The following NTM variants were observed in gnomAD, a reference collection of about 807,000 sequenced individuals.
NTM encodes the protein IgLON family member 2.
In NTM, 13 loss-of-function variants were observed where a neutral mutation model predicts 42.1. That is an observed-to-expected ratio of 0.31 (90% confidence interval 0.20 to 0.49). NTM has a LOEUF of 0.49. Among genes scored for constraint, NTM ranks in the 20% least tolerant of loss-of-function variants. NTM has a pLI of 0.99. For missense variants in NTM, 373 were observed against 452.8 expected (o/e 0.82, Z 1.60); for synonymous variants, 187 against 179.2 (o/e 1.04, Z -0.35).
chr11:131,774,529 T>A (rs1284792840), intron 1 of NTM, among the ~76,000 whole-genome samples: 4 of 152,212 alleles, frequency 2.6e-5, no homozygotes, highest in African/African-American at 9.6e-5. Context: ...CAATTGAGCA[T>A]CTATTTGTCA....
rs376376334 is a variant in NTM, at chr11:131,593,422, C to T, written c.82+222534C>T. Among the ~76,000 whole-genome samples, 10 of 152,280 alleles carry T rather than the reference C, an allele frequency of 6.6e-5. No homozygotes were observed. The East Asian group carries it at 9.7e-4, about 15-fold the overall frequency. On this transcript the variant is annotated intron_variant, in intron 1 of 8. Transcript: ENST00000683400. The stretch of plus-strand genomic sequence containing the variant: ...TGCTGGCTGGGACTTCCCAACCCAT[C>T]GTGTCAGGCAGGGGACTGAGCCTCA...
intron 3 of NTM, among the ~76,000 whole-genome samples, chr11:132,194,905 C>T (rs1009396949): frequency 6.6e-6 from 1 of 150,654 alleles, no homozygotes; most frequent in Non-Finnish European, 1.5e-5. Flanking sequence ...TCACTGCAAC[C>T]TCCACCTCCC....
At chr11:132,294,844 T>C (rs1056649783) in intron 4 of NTM, among the ~76,000 whole-genome samples, 1 of 152,144 alleles carries the variant, frequency 6.6e-6, no homozygotes, top group African/African-American at 2.4e-5. Context: ...CTGATTCCAC[T>C]AAGAAAAAAT....
intron 1 of NTM, among the ~76,000 whole-genome samples, chr11:131,552,347 C>T (rs1224876003): frequency 6.6e-6 from 1 of 152,134 alleles, no homozygotes; most frequent in Non-Finnish European, 1.5e-5. Context: ...TTAAGATATG[C>T]ATGCCATATG....
intron 4 of NTM, 38 bp from the exon 5 acceptor site, chr11:132,307,651 T>A: frequency 6.2e-7 from 1 of 1,610,274 alleles, no homozygotes; most frequent in East Asian, 2.2e-5. Flanking sequence ...GTCTTTTTTT[T>A]CCTTGTATTT....
intron 3 of NTM, among the ~76,000 whole-genome samples, chr11:132,201,504 A>G (rs113738598): frequency 2.6e-5 from 4 of 152,336 alleles, no homozygotes; most frequent in South Asian, 2.1e-4. Flanking sequence ...TGGCAAGGCT[A>G]TGGCGGTTGG....
chr11:132,100,742 C>T (rs902072319), intron 2 of NTM, among the ~76,000 whole-genome samples: 8 of 152,254 alleles, frequency 5.3e-5, no homozygotes, highest in Admixed American at 1.3e-4. Flanking sequence ...TCACTACCAG[C>T]GCCCCACCCC....
intron 1 of NTM, among the ~76,000 whole-genome samples, chr11:131,880,897 T>A (rs1359137242): frequency 6.6e-6 from 1 of 152,126 alleles, no homozygotes; most frequent in Non-Finnish European, 1.5e-5. Context: ...TGCAAAGATA[T>A]AGGGCTCCTG....
intron 1 of NTM, among the ~76,000 whole-genome samples, chr11:131,789,955 CAAAAAA>C (rs36050979): frequency 7.9e-4 from 16 of 20,310 alleles, no homozygotes; most frequent in South Asian, 2.6e-3. Context: ...GACTCCGTCT[CAAAAAA>C]AAAAAAAAAA....
intron 1 of NTM, among the ~76,000 whole-genome samples, chr11:131,587,407 C>T (rs559341220): frequency 1.3e-5 from 2 of 151,446 alleles, no homozygotes; most frequent in South Asian, 2.1e-4. Flanking sequence ...GAGATCGCAC[C>T]ACTGCACTCT....
At chr11:132,283,551 A>G (rs564310560) in intron 4 of NTM, among the ~76,000 whole-genome samples, 1 of 152,158 alleles carries the variant, frequency 6.6e-6, no homozygotes, top group African/African-American at 2.4e-5. Context: ...TGTGATGCCT[A>G]TTTATGCTTG....
At chr11:131,636,741 C>T (rs896831244) in intron 1 of NTM, among the ~76,000 whole-genome samples, 1 of 152,200 alleles carries the variant, frequency 6.6e-6, no homozygotes, top group Non-Finnish European at 1.5e-5. Flanking sequence ...AAACCTTGAG[C>T]AAGTGACTGT....
At chr11:131,772,790 C>T (rs1278982854) in intron 1 of NTM, among the ~76,000 whole-genome samples, 1 of 152,084 alleles carries the variant, frequency 6.6e-6, no homozygotes, top group African/African-American at 2.4e-5. Flanking sequence ...TGTTTTGCAA[C>T]AGTATAAAGT....
In NTM at chr11:131,485,687, G is replaced by A. The variant is rs550664248; in HGVS notation, c.82+114799G>A. Among the ~76,000 whole-genome samples, 22 of 152,304 alleles carry A rather than the reference G, an allele frequency of 1.4e-4. No individual in the cohort carries two copies. The South Asian group carries it at 3.5e-3, about 24-fold the overall frequency. On this transcript the variant is annotated intron_variant, in intron 1 of 8. Coordinates refer to ENST00000683400, the MANE Select transcript of NTM (RefSeq NM_001352005.2). ...TCATCCAATATCCCCTGCAGACAGG[G>A]TATTGATACCAGGAAGGATCAGATT...
chr11:132,211,115 A>G (rs922387586), intron 3 of NTM, among the ~76,000 whole-genome samples: 1 of 151,988 alleles, frequency 6.6e-6, no homozygotes, highest in African/African-American at 2.4e-5. Flanking sequence ...TTCAACAAAG[A>G]AAGTGGCATT....
chr11:131,412,534 C>T (rs1468070021), intron 1 of NTM, among the ~76,000 whole-genome samples: 1 of 152,146 alleles, frequency 6.6e-6, no homozygotes, highest in Non-Finnish European at 1.5e-5. Context: ...AAACTGTCCT[C>T]CTCTCTCCTC....
chr11:131,659,987 A>G (rs2067754561), intron 1 of NTM, among the ~76,000 whole-genome samples: 1 of 152,212 alleles, frequency 6.6e-6, no homozygotes, highest in Non-Finnish European at 1.5e-5. Flanking sequence ...TGAGCACGTG[A>G]AGGATCCGCT....
chr11:131,521,159 C>G (rs899512671), intron 1 of NTM, among the ~76,000 whole-genome samples: 9 of 151,516 alleles, frequency 5.9e-5, no homozygotes, highest in Non-Finnish European at 1.3e-4. Context: ...CCCATCTTTA[C>G]TAAAAATAAG....
At chr11:132,321,887 G>GAA (rs1436801893) in intron 7 of NTM, among the ~76,000 whole-genome samples, 1 of 149,386 alleles carries the variant, frequency 6.7e-6, no homozygotes, top group Non-Finnish European at 1.5e-5. Context: ...CATTCTTAAA[G>GAA]AAAAGAATTT....
Sources: allele counts gnomAD v4.1 joint callset (sites outside exome capture counted in the v4.1 genomes callset), GRCh38; gene constraint gnomAD v4.1.1; transcripts MANE v1.5; gene names NCBI Gene and HGNC (gene_info 2026-07-23, HGNC 2026-07-21).